The following TTC7B variants were observed in gnomAD, a reference collection of about 807,000 sequenced individuals.
TTC7B encodes tetratricopeptide repeat protein 7B.
Under a neutral mutation model 106.8 loss-of-function variants are expected in TTC7B, and 28 were observed. The ratio of observed to expected loss-of-function variants is 0.26; its 90% CI spans 0.19 to 0.36. The LOEUF is 0.36. Among genes scored for constraint, TTC7B ranks in the 10% least tolerant of loss-of-function variants. The pLI, the probability that TTC7B is intolerant of heterozygous loss-of-function variation, is 1.00. For synonymous variants in TTC7B, 405 were observed against 430.6 expected, an observed-to-expected ratio of 0.94 and a Z score of 0.74; for missense variants, 862 against 1,076.4, an observed-to-expected ratio of 0.80 and a Z score of 2.79.
chr14:90,560,650 GTC>G (rs1375549234), intron 19 of TTC7B, among the ~76,000 whole-genome samples: 2 of 152,230 alleles, frequency 1.3e-5, no homozygotes, highest in African/African-American at 4.8e-5. Context: ...AGAAGGCTCT[GTC>G]TCCTCCCATT....
rs994471161 is a variant in TTC7B, at chr14:90,529,831, G to C, written c.*11537C>G. 1 of 152,166 alleles carries C rather than the reference G, an allele frequency of 6.6e-6. No individual in the cohort carries two copies. Among genetic ancestry groups the C allele is most frequent in the Non-Finnish European group, 1.5e-5 (1 of 68,026 alleles). The allele number at this position is 152,166 out of a possible 1,614,324, so 9.4% of individuals were successfully genotyped here. Reference sequence around the variant, plus strand: ...ACTTAAATCATTGACAATAAAGAAAGGGTTAAACAGTCTGCAGTGCATCCA... The same window carrying C: ...ACTTAAATCATTGACAATAAAGAAACGGTTAAACAGTCTGCAGTGCATCCA... On this transcript the variant is annotated 3_prime_UTR_variant, in exon 20 of 20. Transcript: ENST00000328459.
chr14:90,647,231 G>A (rs1170802842), intron 13 of TTC7B: 4 of 528,796 alleles, frequency 7.6e-6, no homozygotes, highest in East Asian at 3.2e-5. Flanking sequence ...CAGAATAGGA[G>A]TGCATTTCTG....
intron 2 of TTC7B, among the ~76,000 whole-genome samples, 160 bp downstream of exon 2, chr14:90,786,014 T>C (rs766543251): frequency 2.0e-5 from 3 of 152,122 alleles, no homozygotes; most frequent in Non-Finnish European, 2.9e-5. Context: ...AGCCTAGAGA[T>C]TGGCACATCC....
chr14:90,604,526 C>A (rs958198242), intron 17 of TTC7B, among the ~76,000 whole-genome samples: 1 of 152,060 alleles, frequency 6.6e-6, no homozygotes, highest in Non-Finnish European at 1.5e-5. Context: ...CTGAACAAAG[C>A]GGGTGAGCCA....
intron 2 of TTC7B, among the ~76,000 whole-genome samples, chr14:90,781,693 C>A (rs941457014): frequency 6.6e-6 from 1 of 152,194 alleles, no homozygotes; most frequent in African/African-American, 2.4e-5. Flanking sequence ...ATGTGAAGAT[C>A]AGGACTTGCT....
intron 5 of TTC7B, among the ~76,000 whole-genome samples, chr14:90,705,687 T>A (rs953845826): frequency 6.6e-6 from 1 of 152,206 alleles, no homozygotes; most frequent in Non-Finnish European, 1.5e-5. Context: ...CACATGCCAA[T>A]GAACAGCCCC....
intron 5 of TTC7B, among the ~76,000 whole-genome samples, chr14:90,702,616 T>C (rs1888039189): frequency 6.6e-6 from 1 of 152,210 alleles, no homozygotes; most frequent in African/African-American, 2.4e-5. Context: ...TTTGAAGTCA[T>C]TTAATTTTGA....
intron 7 of TTC7B, among the ~76,000 whole-genome samples, chr14:90,685,008 A>G (rs1362863411): frequency 6.6e-6 from 1 of 152,172 alleles, no homozygotes; most frequent in Non-Finnish European, 1.5e-5. Flanking sequence ...GATTTTCTAC[A>G]TTGTATTTCC....
intron 18 of TTC7B, among the ~76,000 whole-genome samples, chr14:90,588,108 C>T (rs1286473): frequency 0.064 from 9,755 of 152,252 alleles, 370 homozygotes; most frequent in East Asian, 0.21. Context: ...TGACTGCACA[C>T]ACCACCTGTC....
intron 3 of TTC7B, among the ~76,000 whole-genome samples, chr14:90,750,236 T>C (rs894037990): frequency 9.9e-5 from 15 of 152,234 alleles, no homozygotes; most frequent in Non-Finnish European, 1.8e-4. Flanking sequence ...GATCATTTCA[T>C]AGTCTGCCTT....
intron 3 of TTC7B, among the ~76,000 whole-genome samples, chr14:90,750,991 A>G (rs1890117156): frequency 6.6e-6 from 1 of 152,260 alleles, no homozygotes; most frequent in Admixed American, 6.5e-5. Context: ...TCCTGAGGTC[A>G]TGGACAAAAT....
intron 5 of TTC7B, chr14:90,697,848 A>T (rs1385372911): frequency 6.6e-6 from 1 of 152,252 alleles, no homozygotes; most frequent in African/African-American, 2.4e-5. Flanking sequence ...CGTATTCCCA[A>T]TTAAGCCTTT....
At chr14:90,646,638 C>T (rs1885467458) in intron 14 of TTC7B, 1 of 284,166 alleles carries the variant, frequency 3.5e-6, no homozygotes, top group Non-Finnish European at 6.9e-6. Context: ...GACAGAGGCT[C>T]TTTGATGACT....
At chr14:90,701,499 A>G (rs954792244) in intron 5 of TTC7B, among the ~76,000 whole-genome samples, 4 of 151,982 alleles carry the variant, frequency 2.6e-5, no homozygotes, top group Non-Finnish European at 5.9e-5. Context: ...CCTAAGAATG[A>G]AAAGTGGCCA....
At position 90,808,691 on chromosome 14, in the gene TTC7B, T is replaced by C. The variant is rs951002703; in HGVS notation, c.121+7484A>G. Among the ~76,000 whole-genome samples, 1 of 152,200 alleles carries C rather than the reference T, an allele frequency of 6.6e-6. No homozygotes were observed. Among genetic ancestry groups the C allele is most frequent in the African/African-American group, 2.4e-5 (1 of 41,458 alleles). The stretch of plus-strand genomic sequence containing the variant: ...TCCTTGTCTTGGTGGCTGATGGGAA[T>C]GCTTTTGAGGTCTCAGAAAACCTCA... On this transcript the variant is annotated intron_variant, in intron 1 of 19. Coordinates refer to ENST00000328459, the MANE Select transcript of TTC7B (RefSeq NM_001010854.2). This position sits in a 1 kb window ranked among gnomAD's most constrained non-coding sequence, Gnocchi z 4.2.
intron 3 of TTC7B, among the ~76,000 whole-genome samples, chr14:90,776,999 G>A (rs1021596595): frequency 2.0e-5 from 3 of 152,194 alleles, no homozygotes; most frequent in Non-Finnish European, 4.4e-5. Context: ...ACTTTGGGAG[G>A]CCGAGGTGGG....
intron 8 of TTC7B, among the ~76,000 whole-genome samples, chr14:90,680,237 A>T (rs1286228735): frequency 6.6e-6 from 1 of 152,236 alleles, no homozygotes; most frequent in Non-Finnish European, 1.5e-5. Flanking sequence ...ACGTGCTTCA[A>T]GATAGAAGAT....
rs1889350428 is a variant in TTC7B at position 90,533,949 on chromosome 14, G to C, written c.*7419C>G. 6.6e-6 allele frequency: 1 copy of C among 152,414 alleles called. No homozygotes were observed. Among genetic ancestry groups the C allele is most frequent in the Non-Finnish European group, 1.5e-5 (1 of 68,186 alleles). The allele number at this position is 152,414 out of a possible 1,614,324, so 9.4% of individuals were successfully genotyped here. Reference sequence around the variant, plus strand: ...GTGGTCCTGAGGGGCGGTAGCCCTCGTGTCCCCTACCTGGCACACACCACC... The same window carrying C: ...GTGGTCCTGAGGGGCGGTAGCCCTCCTGTCCCCTACCTGGCACACACCACC... On this transcript the variant is annotated 3_prime_UTR_variant, in exon 20 of 20. Transcript: ENST00000328459.
chr14:90,618,826 T>G (rs1363465647), intron 15 of TTC7B, among the ~76,000 whole-genome samples: 2 of 152,100 alleles, frequency 1.3e-5, no homozygotes, highest in Admixed American at 6.5e-5. Flanking sequence ...AGTCCCAGTA[T>G]GAGCCCAGCT....
Sources: allele counts gnomAD v4.1 joint callset (sites outside exome capture counted in the v4.1 genomes callset), GRCh38; gene constraint gnomAD v4.1.1; non-coding constraint Gnocchi (gnomAD v3.1); transcripts MANE v1.5; gene names NCBI Gene and HGNC (gene_info 2026-07-23, HGNC 2026-07-21).